COX10: variants seen among roughly 807,000 people sequenced by gnomAD.
COX10 encodes protoheme IX farnesyltransferase, mitochondrial.
Under a neutral mutation model 37.3 loss-of-function variants are expected in COX10, and 27 were observed. The observed-to-expected ratio is 0.72, with a 90% CI of 0.53 to 1.00. COX10 has a LOEUF of 1.00. COX10 is among the 50% of genes least tolerant of loss of function. The pLI, the probability that COX10 is intolerant of heterozygous loss-of-function variation, is 0.00. For synonymous variants in COX10, 222 were observed against 229.1 expected (o/e 0.97, Z 0.28); for missense variants, 475 against 563.2 (o/e 0.84, Z 1.59).
At chr17:14,182,621 A>G (rs1027776654) in intron 5 of COX10, among the ~76,000 whole-genome samples, 11 of 152,178 alleles carry the variant, frequency 7.2e-5, no homozygotes, top group Admixed American at 1.3e-4. Context: ...CCAAGCTCCA[A>G]TGTGGGATTT....
Position 14,208,666 on chromosome 17 carries a change from G to C in COX10, c.*1453G>C, listed in dbSNP as rs1300242789. 4 of 152,144 alleles carry C rather than the reference G, an allele frequency of 2.6e-5. No homozygotes were observed. The highest frequency in any genetic ancestry group is 5.9e-5 in the Non-Finnish European group (4 of 68,034). 9.4% of individuals were successfully genotyped at this position (152,144 alleles called of 1,614,324 possible). A position where few individuals can be genotyped will look rare whatever the true frequency, so the allele number is the denominator to read the frequency against. ...TTCTCTTTTCCTTCCACAATAAAAT[G>C]GTATACAAGAACAGGAGTGTGTGTG... On this transcript the variant is annotated 3_prime_UTR_variant, in exon 7 of 7. Transcript: ENST00000261643.
At chr17:14,150,725 G>A (rs569335553) in intron 4 of COX10, among the ~76,000 whole-genome samples, 1 of 152,294 alleles carries the variant, frequency 6.6e-6, no homozygotes, top group Admixed American at 6.5e-5. Flanking sequence ...CTGTGTCCAG[G>A]AGCAGTGTAA....
At chr17:14,086,601 G>A (rs571196478) in intron 3 of COX10, among the ~76,000 whole-genome samples, 12 of 152,172 alleles carry the variant, frequency 7.9e-5, no homozygotes, top group African/African-American at 2.9e-4. Flanking sequence ...ATTGATAAGT[G>A]ATTTTGGAAG....
intron 6 of COX10, among the ~76,000 whole-genome samples, chr17:14,204,726 C>T (rs1300926843): frequency 6.6e-6 from 1 of 152,088 alleles, no homozygotes; most frequent in Non-Finnish European, 1.5e-5. Context: ...CACACTCACA[C>T]AGAGGTACAC....
chr17:14,111,737 C>T (rs1008351297), intron 4 of COX10, among the ~76,000 whole-genome samples: 5 of 151,986 alleles, frequency 3.3e-5, no homozygotes, highest in Non-Finnish European at 7.4e-5. Flanking sequence ...CTAGAAAATG[C>T]CATTGTGTCA....
intron 5 of COX10, among the ~76,000 whole-genome samples, chr17:14,186,571 G>A (rs1216555803): frequency 5.9e-5 from 9 of 151,840 alleles, no homozygotes; most frequent in South Asian, 2.1e-4. Flanking sequence ...CCTTGGCCAC[G>A]AACTGACCAC....
intron 3 of COX10, among the ~76,000 whole-genome samples, chr17:14,098,816 A>G (rs1385971040): frequency 6.6e-6 from 1 of 152,134 alleles, no homozygotes; most frequent in Non-Finnish European, 1.5e-5. Context: ...GTTTACTTTG[A>G]AATTGAGTAT....
intron 5 of COX10, among the ~76,000 whole-genome samples, chr17:14,167,323 A>G (rs1905320353): frequency 6.6e-6 from 1 of 152,252 alleles, no homozygotes; most frequent in Non-Finnish European, 1.5e-5. Context: ...TCTGACGAAG[A>G]TGCTGTGAAC....
chr17:14,147,139 C>T (rs977442867), intron 4 of COX10, among the ~76,000 whole-genome samples: 1 of 152,154 alleles, frequency 6.6e-6, no homozygotes, highest in Non-Finnish European at 1.5e-5. Context: ...AGCACTTCCA[C>T]TGCTAGGTAT....
chr17:14,140,377 T>G (rs1449345815), intron 4 of COX10, among the ~76,000 whole-genome samples: 3 of 152,142 alleles, frequency 2.0e-5, no homozygotes, highest in Admixed American at 6.5e-5. Flanking sequence ...CTGCCTCATA[T>G]TCTATCAAGT....
chr17:14,077,415 T>G, intron 3 of COX10: 1 of 284,966 alleles, frequency 3.5e-6, no homozygotes, highest in Non-Finnish European at 6.7e-6. Context: ...AGAATTGCAC[T>G]ACTGGGCTTG....
rs1250284691 is a variant in COX10 at position 14,131,577 on chromosome 17, T to C, written c.625-28300T>C. Among the ~76,000 whole-genome samples, 6 of 152,140 alleles carry C rather than the reference T, an allele frequency of 3.9e-5. No individual in the cohort carries two copies. In the East Asian group the frequency reaches 1.2e-3, roughly 29 times the overall value. ...ATGACTGGATGGTCACATTATGCCA[T>C]AAAATACACTGGGTGAAGCACATAG... On this transcript the variant is annotated intron_variant, in intron 4 of 6. Transcript: ENST00000261643.
rs1053355572 is a variant in COX10, at chr17:14,194,461, C to G, written c.928+2240C>G. On this transcript the variant is annotated intron_variant, in intron 6 of 6. Transcript: ENST00000261643. ...TTTTCTTTTGAGATGGCGTCTCGCT[C>G]TGTCGCCCAGGCTGGAGTGCAGTGG... is the stretch of plus-strand genomic sequence containing the variant. Among the ~76,000 whole-genome samples the G allele has an allele frequency of 6.6e-5, 10 of 152,234 alleles. 1 individual carries two copies. Among genetic ancestry groups the G allele is most frequent in the African/African-American group, 2.4e-4 (10 of 41,460 alleles).
chr17:14,133,146 G>T (rs1916503377), intron 4 of COX10, among the ~76,000 whole-genome samples: 1 of 151,712 alleles, frequency 6.6e-6, no homozygotes, highest in Non-Finnish European at 1.5e-5. Context: ...TCCCTCAAAT[G>T]TATTAAAAAT....
intron 5 of COX10, among the ~76,000 whole-genome samples, chr17:14,164,568 T>G (rs754094268): frequency 6.6e-6 from 1 of 152,218 alleles, no homozygotes; most frequent in Non-Finnish European, 1.5e-5. Flanking sequence ...TTTTGGGATT[T>G]TAGACTTTAA....
At chr17:14,168,554 C>G (rs1479322583) in intron 5 of COX10, among the ~76,000 whole-genome samples, 1 of 152,228 alleles carries the variant, frequency 6.6e-6, no homozygotes, top group Admixed American at 6.5e-5. Flanking sequence ...GCCTAGACAT[C>G]CAGGCATTTC....
chr17:14,178,244 ATTTC>A (rs1165162255), intron 5 of COX10, among the ~76,000 whole-genome samples: 1 of 95,226 alleles, frequency 1.1e-5, no homozygotes, highest in African/African-American at 3.1e-5. Flanking sequence ...CGTTCCCAAT[ATTTC>A]TTCTAAAATA....
At chr17:14,138,805 A>T (rs1411889925) in intron 4 of COX10, among the ~76,000 whole-genome samples, 1 of 152,132 alleles carries the variant, frequency 6.6e-6, no homozygotes, top group East Asian at 1.9e-4. Context: ...TCTTTGTCTT[A>T]CACTGCCTGA....
chr17:14,071,916 A>G (rs941147527), intron 1 of COX10, among the ~76,000 whole-genome samples: 4 of 151,926 alleles, frequency 2.6e-5, no homozygotes, highest in African/African-American at 9.7e-5. Context: ...TAAAAAAAAA[A>G]TTAAAAATGT....
Sources: allele counts gnomAD v4.1 joint callset (sites outside exome capture counted in the v4.1 genomes callset), GRCh38; gene constraint gnomAD v4.1.1; transcripts MANE v1.5; gene names NCBI Gene and HGNC (gene_info 2026-07-23, HGNC 2026-07-21).